Variants in ARAP2 observed in about 807,000 individuals in gnomAD.
The protein encoded by ARAP2 is arf-GAP with Rho-GAP domain, ANK repeat and PH domain-containing protein 2.
In ARAP2, 148 loss-of-function variants were observed where a neutral mutation model predicts 194.5. The ratio of observed to expected loss-of-function variants is 0.76; its 90% confidence interval spans 0.67 to 0.87. The LOEUF (loss-of-function observed/expected upper bound fraction) is 0.87, where lower values mean the gene tolerates loss of function less well. Among genes scored for constraint, ARAP2 ranks in the 40% least tolerant of loss-of-function variants. The pLI is 0.00. For missense variants in ARAP2, 2,128 were observed against 1,989.7 expected (o/e 1.07, Z -1.32); for synonymous variants, 695 against 683.5 (o/e 1.02, Z -0.26).
intron 5 of ARAP2, among the ~76,000 whole-genome samples, chr4:36,039,924 A>C (rs990266978): frequency 6.6e-6 from 1 of 152,132 alleles, no homozygotes; most frequent in African/African-American, 2.4e-5. Flanking sequence ...CCCAGATAAA[A>C]AAGAAAACAG....
intron 5 of ARAP2, among the ~76,000 whole-genome samples, chr4:36,039,417 T>C (rs754204931): frequency 6.6e-6 from 1 of 152,204 alleles, no homozygotes; most frequent in African/African-American, 2.4e-5. Flanking sequence ...GGTGCCTGTG[T>C]AATTGGCATG....
At chr4:36,193,545 A>T (rs759410197) in intron 7 of ARAP2, 33 bp downstream of exon 7, 2 of 1,501,882 alleles carry the variant, frequency 1.3e-6, no homozygotes, top group Non-Finnish European at 1.8e-6. Context: ...ATGCATAAAA[A>T]AGCAATTTTT....
At chr4:36,233,092 C>T (rs1751808390) in intron 1 of ARAP2, among the ~76,000 whole-genome samples, 2 of 152,162 alleles carry the variant, frequency 1.3e-5, no homozygotes, top group Admixed American at 1.3e-4. Flanking sequence ...ATCCTCTCTG[C>T]ACATTAATGT....
intron 15 of ARAP2, among the ~76,000 whole-genome samples, chr4:36,158,214 G>A (rs1037368847): frequency 6.6e-6 from 1 of 151,702 alleles, no homozygotes; most frequent in Non-Finnish European, 1.5e-5. Context: ...CCCAAACCTA[G>A]AATATATTGT....
At chr4:36,013,538 G>C (rs1453424228) in intron 8 of ARAP2, among the ~76,000 whole-genome samples, 2 of 152,124 alleles carry the variant, frequency 1.3e-5, no homozygotes, top group Non-Finnish European at 2.9e-5. Flanking sequence ...TTGGGCACGT[G>C]AGATTTTACA....
chr4:36,034,061 A>C (rs948524859), intron 5 of ARAP2, among the ~76,000 whole-genome samples: 1 of 152,264 alleles, frequency 6.6e-6, no homozygotes, highest in Non-Finnish European at 1.5e-5. Context: ...AATGTAGTAT[A>C]GTTTGAACTT....
intron 30 of ARAP2, among the ~76,000 whole-genome samples, chr4:36,081,116 C>T (rs2109344644): frequency 6.6e-6 from 1 of 152,186 alleles, no homozygotes; most frequent in South Asian, 2.1e-4. Context: ...TTCATCAGCA[C>T]CTCATGAAAA....
At chr4:36,127,217 T>C (rs1167395176) in intron 21 of ARAP2, among the ~76,000 whole-genome samples, 2 of 152,092 alleles carry the variant, frequency 1.3e-5, no homozygotes, top group Non-Finnish European at 2.9e-5. Flanking sequence ...AACAGCTTCA[T>C]ACATTTCAAT....
At chr4:36,206,813 G>C (rs1745634686) in intron 6 of ARAP2, among the ~76,000 whole-genome samples, 2 of 152,034 alleles carry the variant, frequency 1.3e-5, no homozygotes, top group East Asian at 3.9e-4. Context: ...ACTTTTAGCT[G>C]TCTCAGGCTC....
At chr4:36,055,495 G>C (rs1160390674) in intron 2 of ARAP2, among the ~76,000 whole-genome samples, 1 of 152,106 alleles carries the variant, frequency 6.6e-6, no homozygotes, top group Non-Finnish European at 1.5e-5. Flanking sequence ...ATTCAACTCA[G>C]CAGTCTCATA....
chr4:36,090,506 C>A lies in ARAP2; in HGVS notation c.4425+1375G>T, dbSNP rs568737195. 2.6e-5 allele frequency among the ~76,000 whole-genome samples: 4 copies of A among 152,108 alleles called. No individual in the cohort carries two copies. In the East Asian group the frequency reaches 7.8e-4, roughly 29 times the overall value. On this transcript the variant is annotated intron_variant, in intron 28 of 32. Transcript: ENST00000303965. ...GAAACATCAGTGCAAAAATCCTCAA[C>A]AAAATAGTGGCAAATTGAATTCACC...
rs370784994 is a variant in ARAP2, at chr4:36,056,207, GTA to G, written n.321+1761_321+1762del. ...TAACCATTTGTATAAAGTATGTGGG[GTA>G]TATACACTTGCACTAGGGCCAGAGC... On this transcript the variant is annotated intron_variant and non_coding_transcript_variant, in intron 2 of 12. Transcript: ENST00000503225. Among the ~76,000 whole-genome samples, 215 of 152,272 alleles carry G rather than the reference GTA, an allele frequency of 1.4e-3. 2 individuals carry two copies. The highest frequency in any genetic ancestry group is 5.0e-3 in the African/African-American group (206 of 41,552).
chr4:36,043,817 AGG>A (rs1721290724), intron 5 of ARAP2, among the ~76,000 whole-genome samples: 1 of 62,756 alleles, frequency 1.6e-5, no homozygotes, highest in East Asian at 6.2e-4. Flanking sequence ...AGGGAAGGGA[AGG>A]GAAGGGAAGG....
intron 9 of ARAP2, among the ~76,000 whole-genome samples, chr4:36,170,011 T>C (rs1736240897): frequency 6.6e-6 from 1 of 152,240 alleles, no homozygotes; most frequent in African/African-American, 2.4e-5. Context: ...CATTAAGCCA[T>C]TATTTTCACA....
chr4:36,127,601 T>C (rs1243338355), intron 21 of ARAP2, among the ~76,000 whole-genome samples: 1 of 151,992 alleles, frequency 6.6e-6, no homozygotes, highest in Non-Finnish European at 1.5e-5. Context: ...GCCATGTGAC[T>C]AGATTCAAAA....
intron 6 of ARAP2, among the ~76,000 whole-genome samples, chr4:36,203,413 C>A (rs7654713): frequency 0.91 from 137,706 of 151,944 alleles, 62,471 homozygotes; most frequent in East Asian, 1. Flanking sequence ...GAGAAACCCC[C>A]TCTCTACTAA....
At chr4:36,152,803 G>A (rs1305374263) in intron 15 of ARAP2, among the ~76,000 whole-genome samples, 2 of 152,204 alleles carry the variant, frequency 1.3e-5, no homozygotes, top group Non-Finnish European at 1.5e-5. Flanking sequence ...AACAGTATGA[G>A]GGAAGTCATA....
At chr4:36,048,350 A>G (rs1181152031) in intron 3 of ARAP2, among the ~76,000 whole-genome samples, 1 of 151,734 alleles carries the variant, frequency 6.6e-6, no homozygotes, top group African/African-American at 2.4e-5. Flanking sequence ...GTAGTTTTTC[A>G]ATATTTGCCT....
chr4:36,218,067 G>A (rs187157716), intron 2 of ARAP2, among the ~76,000 whole-genome samples: 113 of 152,074 alleles, frequency 7.4e-4, no homozygotes, highest in African/African-American at 2.5e-3. Flanking sequence ...ACCAGGTTTC[G>A]TGATTTATTA....
Sources: gnomAD v4.1 joint callset for allele counts (sites outside exome capture counted in the v4.1 genomes callset) on GRCh38, gnomAD v4.1.1 for gene constraint, MANE v1.5 for transcripts, NCBI Gene and HGNC (gene_info 2026-07-23, HGNC 2026-07-21) for gene names.